The following PRRC2B variants were observed in gnomAD, a reference collection of about 807,000 sequenced individuals.
PRRC2B encodes the protein protein PRRC2B.
PRRC2B carries 68 observed loss-of-function variants against 242.3 expected under a neutral mutation model. The observed-to-expected ratio is 0.28, with a 90% confidence interval of 0.23 to 0.34. The LOEUF is 0.34. PRRC2B is among the 10% of genes least tolerant of loss of function. The probability of loss-of-function intolerance (pLI) is 1.00; values close to 1 mark genes in which losing one functional copy is unlikely to be tolerated. For missense variants in PRRC2B, 2,835 were observed against 2,954.8 expected (o/e 0.96, Z 0.94); for synonymous variants, 1,228 against 1,173.6 (o/e 1.05, Z -0.95).
intron 30 of PRRC2B, among the ~76,000 whole-genome samples, chr9:131,493,152 TGCCCCACC>T (rs67936827): frequency 0.88 from 133,996 of 152,016 alleles, 59,583 homozygotes; most frequent in South Asian, 0.97. Context: ...GCCCTCCCTC[TGCCCCACC>T]GCCCTTTGCC....
intron 1 of PRRC2B, among the ~76,000 whole-genome samples, chr9:131,399,276 CA>C (rs72492020): frequency 0.043 from 1,888 of 44,230 alleles, 49 homozygotes; most frequent in African/African-American, 0.14. Context: ...AATTCTGTCT[CA>C]AAAAAAAAAA....
rs762076629 is a variant in PRRC2B, at chr9:131,483,436, G to C, written c.5451G>C (p.Leu1817Phe). The C allele has an allele frequency of 6.2e-6, 10 of 1,613,632 alleles. No individual in the cohort carries two copies. Among genetic ancestry groups the C allele is most frequent in the Non-Finnish European group, 8.5e-6 (10 of 1,179,822 alleles). ...GSPVVKLQDA[L>F]ASNAGLTQSI... ...CAGTTGTTAAACTTCAGGATGCCTTGGCCAGTAATGTAAGTCCACACTTCC... is the reference window on the plus strand; with the variant it reads ...CAGTTGTTAAACTTCAGGATGCCTTCGCCAGTAATGTAAGTCCACACTTCC... The change falls in exon 23 of 32, where the codon TTG becomes TTC. Residue 1817 changes from leucine (L) to phenylalanine (F), a missense_variant. By Grantham distance (22) the Leu-to-Phe change is conservative. This residue lies in a region of PRRC2B where 574 missense variants were observed against 626.0 expected (regional missense o/e 0.92). Coordinates refer to ENST00000683519, the MANE Select transcript of PRRC2B (RefSeq NM_013318.4).
At chr9:131,459,413 G>C in intron 11 of PRRC2B, 57 bp downstream of exon 11, 2 of 1,460,400 alleles carry the variant, frequency 1.4e-6, no homozygotes, top group Non-Finnish European at 1.9e-6. Flanking sequence ...TGGGTGGCTG[G>C]GTTTCTGAGA....
At chr9:131,436,454 A>G (rs1222342947) in intron 3 of PRRC2B, among the ~76,000 whole-genome samples, 166 bp from the exon 4 acceptor site, 1 of 152,222 alleles carries the variant, frequency 6.6e-6, no homozygotes, top group East Asian at 1.9e-4. Context: ...TTGTTTTCTT[A>G]TTAGTTTTTG....
chr9:131,417,713 G>T (rs1004707217), intron 1 of PRRC2B, among the ~76,000 whole-genome samples: 1 of 152,174 alleles, frequency 6.6e-6, no homozygotes, highest in Non-Finnish European at 1.5e-5. Flanking sequence ...TTTCTGCCAT[G>T]TTTAACCAGA....
intron 1 of PRRC2B, among the ~76,000 whole-genome samples, chr9:131,425,341 A>T (rs1837949425): frequency 6.6e-6 from 1 of 151,964 alleles, no homozygotes; most frequent in Admixed American, 6.6e-5. Context: ...TATGAATCAA[A>T]CCTTCTCAGA....
chr9:131,413,392 G>A (rs750623653), intron 1 of PRRC2B, among the ~76,000 whole-genome samples: 1 of 152,272 alleles, frequency 6.6e-6, no homozygotes. Context: ...TCCTTTGTTC[G>A]GTGGCAAAAC....
At chr9:131,463,084 G>A (rs547447636) in intron 11 of PRRC2B, among the ~76,000 whole-genome samples, 1 of 152,034 alleles carries the variant, frequency 6.6e-6, no homozygotes, top group Non-Finnish European at 1.5e-5. Context: ...GCAGATTTTG[G>A]TATGAGCCAT....
At chr9:131,375,628 G>A (rs1246377103) in intron 1 of PRRC2B, among the ~76,000 whole-genome samples, 1 of 152,120 alleles carries the variant, frequency 6.6e-6, no homozygotes, top group Non-Finnish European at 1.5e-5. Context: ...GGGGTCAGAA[G>A]GCTCTTGTTC....
intron 5 of PRRC2B, among the ~76,000 whole-genome samples, chr9:131,441,315 G>C (rs1357588672): frequency 1.3e-5 from 2 of 152,068 alleles, no homozygotes; most frequent in Non-Finnish European, 2.9e-5. Flanking sequence ...CCTTTACATG[G>C]TGTTCACTTC....
intron 1 of PRRC2B, among the ~76,000 whole-genome samples, chr9:131,404,422 A>T (rs773852629): frequency 1.3e-5 from 2 of 151,966 alleles, no homozygotes; most frequent in East Asian, 1.9e-4. Context: ...AGATTTCACT[A>T]TGTTGGCCAG....
At chr9:131,447,834 G>C in intron 9 of PRRC2B, 30 bp downstream of exon 9, 1 of 1,596,218 alleles carries the variant, frequency 6.3e-7, no homozygotes, top group Non-Finnish European at 8.6e-7. Context: ...TGGTTTAGAC[G>C]GGCAGGACCA....
rs372166399 is a variant in PRRC2B at position 131,476,076 on chromosome 9, T to C, written c.3947T>C (p.Leu1316Pro). The C allele has an allele frequency of 1.7e-5, 28 of 1,607,378 alleles. No homozygotes were observed. Among genetic ancestry groups the C allele is most frequent in the Non-Finnish European group, 2.4e-5 (28 of 1,175,848 alleles). ...GATAAGCCCCCTCGATTCCGGCGCC[T>C]CCGGCAAGAGCGGGAGTCCCTGGGC... ...RQDKPPRFRR[L>P]RQERESLGLW... The change falls in exon 16 of 32, where the codon CTC becomes CCC. Residue 1316 changes from leucine to proline, a missense_variant. Physicochemically the swap from Leu to Pro is moderately conservative, Grantham distance 98. This residue lies in a region of PRRC2B where 1,536 missense variants were observed against 1,483.1 expected (regional missense o/e 1.04). Coordinates refer to ENST00000683519, the MANE Select transcript of PRRC2B (RefSeq NM_013318.4).
In PRRC2B at chr9:131,482,445, C is replaced by T. The variant is rs765828831; in HGVS notation, c.5058C>T (p.Ser1686=). 3.1e-6 allele frequency: 5 copies of T among 1,607,576 alleles called. No individual in the cohort carries two copies. Among genetic ancestry groups the T allele is most frequent in the Non-Finnish European group, 4.3e-6 (5 of 1,174,522 alleles). The stretch of plus-strand genomic sequence containing the variant: ...AGTCTCGGGAGTCGTCTGCGACCTC[C>T]TCGCAGCGCAGCTCCCCATATGGGA... ...SAESRESSAT[S]SQRSSPYGTL... Residue 1686 remains serine (S), a synonymous_variant, in exon 21 of 32, where the codon TCC becomes TCT. Coordinates refer to ENST00000683519, the MANE Select transcript of PRRC2B (RefSeq NM_013318.4). This position sits in a 1 kb window ranked among gnomAD's most constrained non-coding sequence, Gnocchi z 5.2.
intron 1 of PRRC2B, among the ~76,000 whole-genome samples, chr9:131,377,845 T>C (rs765732312): frequency 6.6e-6 from 1 of 152,198 alleles, no homozygotes; most frequent in African/African-American, 2.4e-5. Flanking sequence ...AGCCTCAATT[T>C]CTTGGGCTGA....
rs372679420 is a variant in PRRC2B at position 131,491,509 on chromosome 9, C to T, written c.6310C>T (p.Leu2104Phe). ...TATTCAGCTGCCACCTGGGCAGAGC[C>T]TCTCCGTTGGGGCCCCCCGAAGGAT... is the stretch of plus-strand genomic sequence containing the variant. ...QSIQLPPGQS[L>F]SVGAPRRIPP... Residue 2104 changes from leucine to phenylalanine, a missense_variant, in exon 29 of 32, where the codon CTC becomes TTC. Leu to Phe is a conservative substitution (Grantham distance 22). This residue lies in a region of PRRC2B where 574 missense variants were observed against 626.0 expected (regional missense o/e 0.92). Transcript: ENST00000683519. The T allele has an allele frequency of 2.1e-5, 34 of 1,612,530 alleles. No individual in the cohort carries two copies. In the South Asian group the frequency reaches 3.3e-4, roughly 16 times the overall value.
intron 1 of PRRC2B, among the ~76,000 whole-genome samples, chr9:131,375,168 C>G (rs1010542137): frequency 1.3e-5 from 2 of 152,064 alleles, no homozygotes; most frequent in African/African-American, 4.8e-5. Flanking sequence ...TTTGGGAGGC[C>G]GAAGCGGGTG....
At chr9:131,398,652 A>G (rs1182149315) in intron 1 of PRRC2B, among the ~76,000 whole-genome samples, 1 of 152,052 alleles carries the variant, frequency 6.6e-6, no homozygotes, top group African/African-American at 2.4e-5. Flanking sequence ...AGCACCTATC[A>G]TTTGCCAGGC....
chr9:131,463,806 G>C (rs1405951831), intron 11 of PRRC2B, among the ~76,000 whole-genome samples: 7 of 151,680 alleles, frequency 4.6e-5, no homozygotes, highest in Admixed American at 1.3e-4. Context: ...TTTTTGGGGG[G>C]CTGGGGGGTA....
Sources: gnomAD v4.1 joint callset for allele counts (sites outside exome capture counted in the v4.1 genomes callset) on GRCh38, gnomAD v4.1.1 for gene constraint, gnomAD v4.1.1 regional missense constraint, Gnocchi (gnomAD v3.1) non-coding constraint, MANE v1.5 for transcripts, NCBI Gene and HGNC (gene_info 2026-07-23, HGNC 2026-07-21) for gene names.